The following SLC6A12 variants were observed in gnomAD, a reference collection of about 807,000 sequenced individuals.
SLC6A12 encodes sodium- and chloride-dependent betaine transporter.
SLC6A12 carries 50 observed loss-of-function variants against 73.3 expected under a neutral mutation model. That is an observed-to-expected ratio of 0.68 (90% CI 0.54 to 0.86). SLC6A12 has a LOEUF of 0.86. Among genes scored for constraint, SLC6A12 ranks in the 40% least tolerant of loss-of-function variants. The probability of loss-of-function intolerance (pLI) is 0.00; values close to 1 mark genes in which losing one functional copy is unlikely to be tolerated. For missense variants in SLC6A12, 648 were observed against 772.8 expected, an observed-to-expected ratio of 0.84 and a Z score of 1.92; for synonymous variants, 304 against 309.2, an observed-to-expected ratio of 0.98 and a Z score of 0.18.
chr12:211,692 A>G (rs1030575212), intron 2 of SLC6A12, among the ~76,000 whole-genome samples: 1 of 152,178 alleles, frequency 6.6e-6, no homozygotes, highest in African/African-American at 2.4e-5. Flanking sequence ...CACCCTGAGA[A>G]ATGACCCTGG....
downstream of SLC6A12, among the ~76,000 whole-genome samples, chr12:187,589 CAAAAAAAAAAAAAAAAAAAAAAAAA>C (rs761187495): frequency 0.14 from 15,035 of 106,054 alleles, 1,403 homozygotes; most frequent in African/African-American, 0.15. Flanking sequence ...TGCAAAAGAG[CAAAAAAAAAAAAAAAAAAAAAAAAA>C]AAAAAAAAAA....
intron 14 of SLC6A12, 83 bp from the exon 15 acceptor site, chr12:192,731 G>T: frequency 7.5e-7 from 1 of 1,339,282 alleles, no homozygotes; most frequent in South Asian, 1.2e-5. Flanking sequence ...AAGGACAGAG[G>T]ACAAGTCAGG....
downstream of SLC6A12, among the ~76,000 whole-genome samples, chr12:187,832 C>T (rs142131865): frequency 1.2e-4 from 19 of 152,134 alleles, no homozygotes; most frequent in East Asian, 2.9e-3. Flanking sequence ...GTGTTTACAA[C>T]GCCTGAGCTA....
Position 192,712 on chromosome 12 carries a change from C to T in SLC6A12, c.1531-64G>A, listed in dbSNP as rs771455437. ...GCGACTGAAACCCTCTCCGCAGCTA[C>T]GTACAGCCAAGGACAGAGGACAAGT... is the stretch of plus-strand genomic sequence containing the variant. On this transcript the variant is annotated intron_variant, in intron 14 of 15. Transcript: ENST00000684302. 168 of 1,505,252 alleles carry T rather than the reference C, an allele frequency of 1.1e-4. 1 individual carries two copies. The highest frequency in any genetic ancestry group is 2.7e-4 in the Admixed American group (16 of 59,652). 93.2% of individuals were successfully genotyped at this position (1,505,252 alleles called of 1,614,324 possible).
downstream of SLC6A12, among the ~76,000 whole-genome samples, chr12:186,141 AG>A (rs1472868221): frequency 1.3e-5 from 2 of 152,064 alleles, no homozygotes; most frequent in African/African-American, 2.4e-5. Context: ...GAAGGGCACG[AG>A]GGGGCTGAGG....
chr12:197,317 G>C (rs904362457), intron 10 of SLC6A12, 60 bp downstream of exon 10: 1 of 1,546,654 alleles, frequency 6.5e-7, no homozygotes, highest in South Asian at 1.2e-5. Flanking sequence ...TTCAGCAAGA[G>C]AGAAGTGTGT....
Position 195,347 on chromosome 12 carries a change from C to A in SLC6A12, c.1327-20G>T, listed in dbSNP as rs2137119281. ...CCCGCCCTGTGGGGAGAGCGTGGAGCTGGGGCATGGCCAGTGCAGAGCTGG... is the reference window on the plus strand; with the variant it reads ...CCCGCCCTGTGGGGAGAGCGTGGAGATGGGGCATGGCCAGTGCAGAGCTGG... On this transcript the variant is annotated intron_variant, in intron 12 of 15. Transcript: ENST00000684302. 6.6e-7 allele frequency: 1 copy of A among 1,510,272 alleles called. No homozygotes were observed. Among genetic ancestry groups the A allele is most frequent in the South Asian group, 1.1e-5 (1 of 88,896 alleles). 93.6% of individuals were successfully genotyped at this position (1,510,272 alleles called of 1,614,324 possible). A position where few individuals can be genotyped will look rare whatever the true frequency, so the allele number is the denominator to read the frequency against.
chr12:201,998 G>T, intron 5 of SLC6A12, 149 bp from the exon 6 acceptor site: 1 of 634,358 alleles, frequency 1.6e-6, no homozygotes, highest in South Asian at 1.9e-5. Context: ...GCATCAGGAG[G>T]CTCATAGGGC....
rs947491304 is a variant in SLC6A12, at chr12:196,062, G to A, written c.1326+62C>T. On this transcript the variant is annotated intron_variant, in intron 12 of 15. Coordinates refer to ENST00000684302, the MANE Select transcript of SLC6A12 (RefSeq NM_001122848.3). Reference sequence around the variant, plus strand: ...AAAAGTGAGGCTCTGAGCAGGGTCAGCAGTGTCCCCCGTGGCTCCCTCCCC... The same window carrying A: ...AAAAGTGAGGCTCTGAGCAGGGTCAACAGTGTCCCCCGTGGCTCCCTCCCC... 30 of 1,489,454 alleles carry A rather than the reference G, an allele frequency of 2.0e-5. No individual in the cohort carries two copies. The African/African-American group carries it at 3.3e-4, about 17-fold the overall frequency. The allele number at this position is 1,489,454 out of a possible 1,614,324, so 92.3% of individuals were successfully genotyped here. A position where few individuals can be genotyped will look rare whatever the true frequency, so the allele number is the denominator to read the frequency against.
chr12:184,033 T>A, the SLC6A12 span, among the ~76,000 whole-genome samples: 4 of 152,126 alleles, frequency 2.6e-5, no homozygotes, highest in Non-Finnish European at 4.4e-5. Flanking sequence ...ATCTTGTTTA[T>A]GGGCATAAAT....
chr12:208,054 G>C (rs1940736193), intron 3 of SLC6A12, among the ~76,000 whole-genome samples: 1 of 152,194 alleles, frequency 6.6e-6, no homozygotes, highest in African/African-American at 2.4e-5. Flanking sequence ...CCCTAGTGCT[G>C]TCTCCCTCCC....
At chr12:191,616 A>G (rs904217302) in intron 15 of SLC6A12, among the ~76,000 whole-genome samples, 13 of 152,128 alleles carry the variant, frequency 8.5e-5, no homozygotes, top group South Asian at 4.1e-4. Flanking sequence ...TATGTGCTCA[A>G]TAAGTATCTA....
chr12:209,269 C>T (rs1056178521), intron 3 of SLC6A12, among the ~76,000 whole-genome samples: 2 of 152,218 alleles, frequency 1.3e-5, no homozygotes, highest in Non-Finnish European at 2.9e-5. Context: ...CCCTATCCCT[C>T]CTCCCTGCGT....
At chr12:210,624 C>G (rs530510) in intron 2 of SLC6A12, 7,323 of 153,684 alleles carry the variant, frequency 0.048, 522 homozygotes, top group African/African-American at 0.16. Context: ...ATGACAACAA[C>G]GATTGGCACC....
intron 15 of SLC6A12, 103 bp downstream of exon 15, chr12:192,375 C>T: frequency 2.0e-6 from 2 of 1,000,718 alleles, no homozygotes; most frequent in Non-Finnish European, 3.0e-6. Context: ...GCCCCACACT[C>T]AGAGTTTGTG....
downstream of SLC6A12, among the ~76,000 whole-genome samples, chr12:188,870 C>T (rs747372162): frequency 2.6e-5 from 4 of 152,286 alleles, no homozygotes; most frequent in Non-Finnish European, 4.4e-5. Context: ...CTCCCCGTTC[C>T]CTCCATCCCC....
At chr12:187,424 T>G (rs1285061794), downstream of SLC6A12, among the ~76,000 whole-genome samples, 1 of 151,704 alleles carries the variant, frequency 6.6e-6, no homozygotes, top group Non-Finnish European at 1.5e-5. Context: ...CGATGAGTGC[T>G]ACAACTCTGA....
intron 12 of SLC6A12, among the ~76,000 whole-genome samples, chr12:195,828 G>A (rs1290421790): frequency 1.3e-5 from 2 of 152,178 alleles, no homozygotes; most frequent in African/African-American, 2.4e-5. Context: ...TCCTGAGAGT[G>A]CCACAAGAGC....
the SLC6A12 span, among the ~76,000 whole-genome samples, chr12:184,191 A>G: frequency 6.6e-6 from 1 of 152,224 alleles, no homozygotes. Context: ...TAACAAATTA[A>G]AGGAGAAAAA....
Sources: allele counts gnomAD v4.1 joint callset (sites outside exome capture counted in the v4.1 genomes callset), GRCh38; gene constraint gnomAD v4.1.1; transcripts MANE v1.5; gene names NCBI Gene and HGNC (gene_info 2026-07-23, HGNC 2026-07-21).